Variants in RNF130 observed in about 807,000 individuals in gnomAD.
RNF130 encodes ring finger protein 130, also known as E3 ubiquitin-protein ligase RNF130.
Under a neutral mutation model 44.6 loss-of-function variants are expected in RNF130, and 21 were observed. That is an observed-to-expected ratio of 0.47 (90% CI 0.33 to 0.68). RNF130 has a LOEUF of 0.68. Among genes scored for constraint, RNF130 ranks in the 30% least tolerant of loss-of-function variants. The probability of loss-of-function intolerance (pLI) is 0.02; values close to 1 mark genes in which losing one functional copy is unlikely to be tolerated. For missense variants in RNF130, 479 were observed against 560.6 expected (o/e 0.85, Z 1.47); for synonymous variants, 214 against 210.4 (o/e 1.02, Z -0.15).
rs371043765 is a variant in RNF130 at position 180,047,580 on chromosome 5, A to G, written c.248-6933T>C. 7.2e-5 allele frequency among the ~76,000 whole-genome samples: 11 copies of G among 152,010 alleles called. No individual in the cohort carries two copies. The East Asian group carries it at 1.7e-3, about 24-fold the overall frequency. ...ACCAACATGGTGAAACCCTGTCTCT[A>G]TTAAAAATACAAAATTTAGCTTGGC... On this transcript the variant is annotated intron_variant, in intron 1 of 8. Coordinates refer to ENST00000521389, the MANE Select transcript of RNF130 (RefSeq NM_018434.6).
intron 4 of RNF130, among the ~76,000 whole-genome samples, chr5:179,979,657 G>A (rs1762788785): frequency 6.6e-6 from 1 of 152,124 alleles, no homozygotes; most frequent in Non-Finnish European, 1.5e-5. Flanking sequence ...ACAGCATCCT[G>A]ACACTGCCTC....
intron 6 of RNF130, 40 bp from the exon 7 acceptor site, chr5:179,967,050 A>T: frequency 6.5e-7 from 1 of 1,532,356 alleles, no homozygotes; most frequent in South Asian, 1.1e-5. Flanking sequence ...TGTAAGGAAA[A>T]CACAACCTTT....
downstream of RNF130, among the ~76,000 whole-genome samples, chr5:179,953,258 T>C (rs1582137298): frequency 6.6e-6 from 1 of 151,282 alleles, no homozygotes; most frequent in East Asian, 1.9e-4. Flanking sequence ...ACAGCAATGC[T>C]AACTAAAATG....
chr5:179,926,578 G>A (rs994117652), intron 7 of RNF130, among the ~76,000 whole-genome samples: 1 of 152,202 alleles, frequency 6.6e-6, no homozygotes, highest in African/African-American at 2.4e-5. Context: ...AACCAGGGAG[G>A]TGGAGGTGGC....
At chr5:180,044,560 G>A (rs540724733) in intron 1 of RNF130, among the ~76,000 whole-genome samples, 6 of 152,236 alleles carry the variant, frequency 3.9e-5, no homozygotes, top group East Asian at 1.9e-4. Flanking sequence ...ATGGCCGGGC[G>A]CGGTGGCTCA....
chr5:179,968,123 G>A (rs534075990), intron 6 of RNF130, among the ~76,000 whole-genome samples: 1 of 151,514 alleles, frequency 6.6e-6, no homozygotes, highest in African/African-American at 2.4e-5. Context: ...GTGAAACCCC[G>A]TCTCTACTAA....
chr5:179,952,394 A>G (rs896741354), downstream of RNF130, among the ~76,000 whole-genome samples: 13 of 152,224 alleles, frequency 8.5e-5, no homozygotes, highest in Non-Finnish European at 1.6e-4. Context: ...TCCTACAAAG[A>G]AAAGTCCAGG....
downstream of RNF130, among the ~76,000 whole-genome samples, chr5:179,953,219 C>T (rs1361900243): frequency 6.6e-6 from 1 of 151,718 alleles, no homozygotes; most frequent in South Asian, 2.1e-4. Flanking sequence ...ATATCCCATG[C>T]TCATGAGTTG....
At chr5:179,928,897 G>A (rs535343276) in intron 7 of RNF130, among the ~76,000 whole-genome samples, 12 of 152,146 alleles carry the variant, frequency 7.9e-5, no homozygotes, top group Non-Finnish European at 1.6e-4. Context: ...CCAAAGTGCT[G>A]GGATTACAGG....
chr5:179,988,179 G>A (rs1333491445), intron 3 of RNF130, among the ~76,000 whole-genome samples: 1 of 152,188 alleles, frequency 6.6e-6, no homozygotes, highest in Non-Finnish European at 1.5e-5. Flanking sequence ...TAGGTTGTAT[G>A]TGGCTAGGAA....
chr5:179,993,155 T>A (rs1763128055), intron 3 of RNF130, among the ~76,000 whole-genome samples: 1 of 152,246 alleles, frequency 6.6e-6, no homozygotes, highest in Admixed American at 6.5e-5. Flanking sequence ...TCCAAGTCTT[T>A]GCTACTGTGA....
Position 179,955,622 on chromosome 5 carries a change from C to A in RNF130, c.*32G>T. The A allele has an allele frequency of 6.4e-7, 1 of 1,568,982 alleles. No individual in the cohort carries two copies. The highest frequency in any genetic ancestry group is 8.6e-7 in the Non-Finnish European group (1 of 1,157,436). ...AAATAGGTTCTTTTTTCCTTCAAGGCAAAATCAGTCAGAAAGCAGGTTTTT... is the reference window on the plus strand; with the variant it reads ...AAATAGGTTCTTTTTTCCTTCAAGGAAAAATCAGTCAGAAAGCAGGTTTTT... On this transcript the variant is annotated 3_prime_UTR_variant, in exon 9 of 9. Transcript: ENST00000521389.
intron 3 of RNF130, among the ~76,000 whole-genome samples, chr5:179,993,087 G>T (rs954602743): frequency 1.2e-4 from 18 of 152,186 alleles, no homozygotes; most frequent in African/African-American, 4.3e-4. Flanking sequence ...GTATTCCATG[G>T]TGTATATGTG....
chr5:179,933,398 TTGTG>T (rs71001060), intron 7 of RNF130, among the ~76,000 whole-genome samples: 1 of 143,400 alleles, frequency 7.0e-6, no homozygotes, highest in Non-Finnish European at 1.5e-5. Context: ...ATAACCCTAT[TTGTG>T]TGTGTGTGTG....
intron 3 of RNF130, among the ~76,000 whole-genome samples, chr5:180,007,660 C>T (rs1763491760): frequency 6.6e-6 from 1 of 152,200 alleles, no homozygotes; most frequent in Admixed American, 6.5e-5. Context: ...ACAGTAGCAT[C>T]TGGAGAGACG....
At chr5:179,927,744 G>T (rs957360623) in intron 7 of RNF130, among the ~76,000 whole-genome samples, 6 of 151,688 alleles carry the variant, frequency 4.0e-5, no homozygotes, top group Admixed American at 3.3e-4. Flanking sequence ...CCGCCACCAC[G>T]CCTGGCTAAT....
intron 3 of RNF130, among the ~76,000 whole-genome samples, chr5:179,981,803 C>T (rs1582161163): frequency 6.6e-6 from 1 of 152,212 alleles, no homozygotes; most frequent in African/African-American, 2.4e-5. Context: ...CCACACACTG[C>T]GTGTGGCTGC....
chr5:179,955,580 T>C lies in RNF130; in HGVS notation c.*74A>G. The C allele has an allele frequency of 7.9e-7, 1 of 1,270,320 alleles. No homozygotes were observed. The highest frequency in any genetic ancestry group is 1.1e-6 in the Non-Finnish European group (1 of 902,882). 78.7% of individuals were successfully genotyped at this position (1,270,320 alleles called of 1,614,324 possible). On this transcript the variant is annotated 3_prime_UTR_variant, in exon 9 of 9. Transcript: ENST00000521389. ...AAAATAAATGCTTGTGTGGCATGAT[T>C]GGTAAATGATGCACAAAAATAGGTT... is the stretch of plus-strand genomic sequence containing the variant.
At chr5:179,944,429 T>A (rs1297100583) in intron 7 of RNF130, among the ~76,000 whole-genome samples, 2 of 152,186 alleles carry the variant, frequency 1.3e-5, no homozygotes, top group Non-Finnish European at 2.9e-5. Context: ...TATATCTCCT[T>A]AACGGAATTA....
Sources: allele counts gnomAD v4.1 joint callset (sites outside exome capture counted in the v4.1 genomes callset), GRCh38; gene constraint gnomAD v4.1.1; transcripts MANE v1.5; gene names NCBI Gene and HGNC (gene_info 2026-07-23, HGNC 2026-07-21).